HRK: variants seen among roughly 807,000 people sequenced by gnomAD.
HRK encodes the protein activator of apoptosis harakiri.
In HRK, 6 loss-of-function variants were observed where a neutral mutation model predicts 5.9. The observed-to-expected ratio is 1.02, with a 90% CI of 0.56 to 2.01. The LOEUF (loss-of-function observed/expected upper bound fraction) is 2.01, where lower values mean the gene tolerates loss of function less well. Among genes scored for constraint, HRK ranks in the 30% most tolerant of loss-of-function variants. HRK has a pLI of 0.00. For missense variants in HRK, 133 were observed against 128.3 expected, an observed-to-expected ratio of 1.04 and a Z score of -0.18; for synonymous variants, 85 against 65.1, an observed-to-expected ratio of 1.31 and a Z score of -1.47.
rs1878269155 is a variant in HRK, at chr12:116,859,279, A to G, written c.*2244T>C. 6.6e-6 allele frequency: 1 copy of G among 152,218 alleles called. No individual in the cohort carries two copies. The highest frequency in any genetic ancestry group is 1.9e-4 in the East Asian group (1 of 5,194). The allele number at this position is 152,218 out of a possible 1,614,324, so 9.4% of individuals were successfully genotyped here. On this transcript the variant is annotated 3_prime_UTR_variant, in exon 2 of 2. Transcript: ENST00000257572. ...TGAAAAAGGGATCCTCTCACCTTTC[A>G]TCTTCTCCTGTGTCTACAGGTGGTC...
chr12:116,880,951 G>A (rs957748130), intron 1 of HRK, 25 bp downstream of exon 1: 14 of 1,096,738 alleles, frequency 1.3e-5, no homozygotes, highest in African/African-American at 1.2e-4. Flanking sequence ...GCCGCGCCCC[G>A]GCTCTCGCTC....
chr12:116,867,227 C>T (rs911683178), intron 1 of HRK, among the ~76,000 whole-genome samples: 3 of 151,878 alleles, frequency 2.0e-5, no homozygotes, highest in East Asian at 1.9e-4. Context: ...CTGCAACCTC[C>T]GCCACCTTGG....
rs904844150 is a variant in HRK, at chr12:116,859,677, G to A, written c.*1846C>T. 6.6e-5 allele frequency: 10 copies of A among 151,802 alleles called. No homozygotes were observed. 9.4% of individuals were successfully genotyped at this position (151,802 alleles called of 1,614,324 possible). A position where few individuals can be genotyped will look rare whatever the true frequency, so the allele number is the denominator to read the frequency against. On this transcript the variant is annotated 3_prime_UTR_variant, in exon 2 of 2. Transcript: ENST00000257572. ...GGTTTGCTGAGTTCAAAGCTGCGGGGTGGGGGAGTCTTCCCTGGCATTCAG... is the reference window on the plus strand; with the variant it reads ...GGTTTGCTGAGTTCAAAGCTGCGGGATGGGGGAGTCTTCCCTGGCATTCAG...
intron 1 of HRK, among the ~76,000 whole-genome samples, chr12:116,865,718 A>G (rs1480452776): frequency 6.6e-6 from 1 of 152,124 alleles, no homozygotes; most frequent in African/African-American, 2.4e-5. Context: ...GTAGCCTCCC[A>G]GAGTATTTTC....
Position 116,862,132 on chromosome 12 carries a change from G to A in HRK, c.*57-666C>T, listed in dbSNP as rs554085680. ...AGGGAGACAAAGCAGACTCCTCAGA[G>A]AGAGTGGCAGGCCCCTGCTGACTAT... is the stretch of plus-strand genomic sequence containing the variant. On this transcript the variant is annotated intron_variant, in intron 1 of 1. Coordinates refer to ENST00000257572, the MANE Select transcript of HRK (RefSeq NM_003806.4). The surrounding 1 kb of genome is among the most constrained non-coding windows in gnomAD (Gnocchi z 4.0). Among the ~76,000 whole-genome samples, 1 of 152,342 alleles carries A rather than the reference G, an allele frequency of 6.6e-6. No individual in the cohort carries two copies. Among genetic ancestry groups the A allele is most frequent in the African/African-American group, 2.4e-5 (1 of 41,586 alleles).
chr12:116,877,937 G>A (rs924105076), intron 1 of HRK, among the ~76,000 whole-genome samples: 4 of 152,076 alleles, frequency 2.6e-5, no homozygotes, highest in Admixed American at 2.0e-4. Context: ...ATGGAGTCTC[G>A]CTCTGTCGCC....
chr12:116,870,732 C>A (rs544944402), intron 1 of HRK, among the ~76,000 whole-genome samples: 1 of 151,968 alleles, frequency 6.6e-6, no homozygotes, highest in East Asian at 1.9e-4. Context: ...GAGCCCAGGT[C>A]GAGGCTGCAG....
chr12:116,862,079 T>C lies in HRK; in HGVS notation c.*57-613A>G, dbSNP rs1878386230. Among the ~76,000 whole-genome samples the C allele has an allele frequency of 6.6e-6, 1 of 152,182 alleles. No individual in the cohort carries two copies. Among genetic ancestry groups the C allele is most frequent in the Admixed American group, 6.5e-5 (1 of 15,276 alleles). On this transcript the variant is annotated intron_variant, in intron 1 of 1. Transcript: ENST00000257572. The surrounding 1 kb of genome is among the most constrained non-coding windows in gnomAD (Gnocchi z 4.0). ...ACATGCAGTCTGGGGAAACGTGGTC[T>C]ATAGGAGCCCAGGGGAGGCAGCTCA... is the stretch of plus-strand genomic sequence containing the variant.
chr12:116,874,708 C>T (rs1226102127), intron 1 of HRK, among the ~76,000 whole-genome samples: 1 of 152,182 alleles, frequency 6.6e-6, no homozygotes, highest in African/African-American at 2.4e-5. Flanking sequence ...ACCTAGTTCC[C>T]TGGGGTACTT....
At chr12:116,875,043 A>G (rs1274473201) in intron 1 of HRK, among the ~76,000 whole-genome samples, 1 of 152,004 alleles carries the variant, frequency 6.6e-6, no homozygotes, top group Non-Finnish European at 1.5e-5. Context: ...AAACTATTGG[A>G]AAAAAAAATT....
chr12:116,856,547 G>A lies in HRK; in HGVS notation c.*4976C>T, dbSNP rs566231656. The A allele has an allele frequency of 6.6e-6, 1 of 152,292 alleles. No individual in the cohort carries two copies. The highest frequency in any genetic ancestry group is 2.4e-5 in the African/African-American group (1 of 41,544). The allele number at this position is 152,292 out of a possible 1,614,324, so 9.4% of individuals were successfully genotyped here. On this transcript the variant is annotated 3_prime_UTR_variant, in exon 2 of 2. Transcript: ENST00000257572. This position sits in a 1 kb window ranked among gnomAD's most constrained non-coding sequence, Gnocchi z 4.4. The stretch of plus-strand genomic sequence containing the variant: ...ATAGAAACCAGGAACACAGGGTTAG[G>A]GCATGAGTATATAAAATCCACAACG...
intron 1 of HRK, among the ~76,000 whole-genome samples, chr12:116,863,775 T>C (rs1233944954): frequency 6.6e-6 from 1 of 151,776 alleles, no homozygotes; most frequent in Admixed American, 6.6e-5. Context: ...CATAGCTCAC[T>C]GCACCCTCGA....
At chr12:116,869,178 C>T (rs776636161) in intron 1 of HRK, among the ~76,000 whole-genome samples, 3 of 152,020 alleles carry the variant, frequency 2.0e-5, no homozygotes, top group Non-Finnish European at 4.4e-5. Flanking sequence ...GGCGAGATTT[C>T]GCCATGTTGG....
rs1354550066 is a variant in HRK, at chr12:116,862,878, AG to A, written c.*57-1413del. Among the ~76,000 whole-genome samples, 1 of 152,156 alleles carries A rather than the reference AG, an allele frequency of 6.6e-6. No individual in the cohort carries two copies. The highest frequency in any genetic ancestry group is 1.5e-5 in the Non-Finnish European group (1 of 68,038). ...CAGCCTCCCAAGTAGCTGGGACTAC[AG>A]GTGCATGCCATCATGCCCGGCTAAA... On this transcript the variant is annotated intron_variant, in intron 1 of 1. Coordinates refer to ENST00000257572, the MANE Select transcript of HRK (RefSeq NM_003806.4). The surrounding 1 kb of genome is among the most constrained non-coding windows in gnomAD (Gnocchi z 4.0).
At chr12:116,869,786 G>A (rs1002794177) in intron 1 of HRK, 1 of 152,138 alleles carries the variant, frequency 6.6e-6, no homozygotes, top group African/African-American at 2.4e-5. Context: ...TTGAAAAATG[G>A]ACCTTGGCCA....
At chr12:116,863,507 A>G (rs1344282182) in intron 1 of HRK, among the ~76,000 whole-genome samples, 4 of 152,120 alleles carry the variant, frequency 2.6e-5, no homozygotes, top group Non-Finnish European at 5.9e-5. Flanking sequence ...AACCCTGCCC[A>G]CGCCTTTGCT....
At chr12:116,881,433 GTGTTGTGCGTT>G (rs1403331343) in exon 1 of HRK, 60 of 832,520 alleles carry the variant, frequency 7.2e-5, no homozygotes, top group Non-Finnish European at 8.1e-5. Flanking sequence ...GTTTCTCCTT[GTGTTGTGCGTT>G]TGTTGTGCTG....
chr12:116,869,042 T>C (rs1479369276), intron 1 of HRK, among the ~76,000 whole-genome samples: 5 of 151,618 alleles, frequency 3.3e-5, no homozygotes, highest in African/African-American at 1.2e-4. Context: ...GGCACAATCA[T>C]AGCTCACTGC....
chr12:116,859,945 G>C lies in HRK; in HGVS notation c.*1578C>G, dbSNP rs529257032. On this transcript the variant is annotated 3_prime_UTR_variant, in exon 2 of 2. Transcript: ENST00000257572. ...CTTAGAACTGTACAGCAAAGCCTGT[G>C]GGGGGATAATTCCCATTTCAGCCGC... The C allele has an allele frequency of 6.6e-6, 1 of 152,144 alleles. No homozygotes were observed. The highest frequency in any genetic ancestry group is 2.1e-4 in the South Asian group (1 of 4,826). The allele number at this position is 152,144 out of a possible 1,614,324, so 9.4% of individuals were successfully genotyped here. A position where few individuals can be genotyped will look rare whatever the true frequency, so the allele number is the denominator to read the frequency against.
Sources: gnomAD v4.1 joint callset for allele counts (sites outside exome capture counted in the v4.1 genomes callset) on GRCh38, gnomAD v4.1.1 for gene constraint, Gnocchi (gnomAD v3.1) non-coding constraint, MANE v1.5 for transcripts, NCBI Gene and HGNC (gene_info 2026-07-23, HGNC 2026-07-21) for gene names.